Variants in MYO1F observed in about 807,000 individuals in gnomAD.
MYO1F encodes the protein myosin IF.
Under a neutral mutation model 146.6 loss-of-function variants are expected in MYO1F, and 60 were observed. The observed-to-expected ratio is 0.41, with a 90% CI of 0.33 to 0.51. The LOEUF is 0.51. MYO1F is among the 20% of genes least tolerant of loss of function. The pLI, the probability that MYO1F is intolerant of heterozygous loss-of-function variation, is 0.25. For synonymous variants in MYO1F, 602 were observed against 602.1 expected, an observed-to-expected ratio of 1.00 and a Z score of 0.00; for missense variants, 1,274 against 1,534.3, an observed-to-expected ratio of 0.83 and a Z score of 2.83.
rs188591207 is a variant in MYO1F at position 8,546,585 on chromosome 19, C to A, written c.1270-849G>T. ...ATGTTGTCCAGGCTGGCTTTGAACC[C>A]CCAGGCTCAAGCGATCCTCTTAACT... is the stretch of plus-strand genomic sequence containing the variant. On this transcript the variant is annotated intron_variant, in intron 12 of 27. Transcript: ENST00000644032. Among the ~76,000 whole-genome samples, 10 of 152,090 alleles carry A rather than the reference C, an allele frequency of 6.6e-5. No homozygotes were observed. In the East Asian group the frequency reaches 1.5e-3, roughly 23 times the overall value.
At chr19:8,553,894 A>ACACACACACTCTCTCTCTCT in intron 4 of MYO1F, among the ~76,000 whole-genome samples, 22 of 102,668 alleles carry the variant, frequency 2.1e-4, no homozygotes, top group African/African-American at 7.9e-4. Flanking sequence ...ACACACACAC[A>ACACACACACTCTCTCTCTCT]CTCTCTCTCT....
rs200726649 is a variant in MYO1F, at chr19:8,530,231, C to T, written c.2293G>A (p.Ala765Thr). The T allele has an allele frequency of 2.0e-5, 33 of 1,613,940 alleles. No homozygotes were observed. Among genetic ancestry groups the T allele is most frequent in the African/African-American group, 9.3e-5 (7 of 74,884 alleles). The change falls in exon 21 of 28, where the codon GCC becomes ACC. Residue 765 changes from alanine to threonine, a missense_variant. Physicochemically the swap from Ala to Thr is moderately conservative, Grantham distance 58. Coordinates refer to ENST00000644032, the MANE Select transcript of MYO1F (RefSeq NM_012335.4). This position sits in a 1 kb window ranked among gnomAD's most constrained non-coding sequence, Gnocchi z 5.8. ...FLGKRERVDF[A>T]DSVTKYDRRF... ...CGGTCGTACTTGGTGACCGAATCGG[C>T]GAAGTCCACCCGCTCCCTCTTGCCC... is the stretch of plus-strand genomic sequence containing the variant.
chr19:8,526,353 C>CTT, intron 24 of MYO1F, 100 bp downstream of exon 24: 1 of 1,452,378 alleles, frequency 6.9e-7, no homozygotes, highest in South Asian at 1.2e-5. Context: ...TCAAAAGTCT[C>CTT]TCTCTCTCTC....
At chr19:8,521,977 G>A (rs1274214893) in intron 27 of MYO1F, among the ~76,000 whole-genome samples, 3 of 151,812 alleles carry the variant, frequency 2.0e-5, no homozygotes, top group Admixed American at 6.6e-5. Context: ...CTCCCGTGGG[G>A]AGGGTGTGCA....
chr19:8,554,540 G>T lies in MYO1F; in HGVS notation c.263C>A (p.Ala88Asp). The T allele has an allele frequency of 2.5e-6, 4 of 1,613,668 alleles. No homozygotes were observed. Among genetic ancestry groups the T allele is most frequent in the South Asian group, 1.1e-5 (1 of 91,072 alleles). ...GTTCCGGTACATGTTGTCCGTGAGG[G>T]CGTAGATGTGCGGGGGATTCTCATA... Reference protein sequence around the residue: ...AQYENPPHIYALTDNMYRNML... With the variant: ...AQYENPPHIYDLTDNMYRNML... The change falls in exon 4 of 28, where the codon GCC becomes GAC. Residue 88 changes from alanine to aspartate, a missense_variant. Transcript: ENST00000644032.
At chr19:8,574,789 T>C (rs2042206044) in intron 1 of MYO1F, among the ~76,000 whole-genome samples, 1 of 149,456 alleles carries the variant, frequency 6.7e-6, no homozygotes, top group Non-Finnish European at 1.5e-5. Context: ...GGAGCCTCTC[T>C]CTGTGGCCCA....
intron 5 of MYO1F, 30 bp downstream of exon 5, chr19:8,553,320 C>A: frequency 1.9e-6 from 3 of 1,613,110 alleles, no homozygotes; most frequent in Non-Finnish European, 2.5e-6. Context: ...GAGGGCGACC[C>A]AGCTTATCCT....
Position 8,550,319 on chromosome 19 carries a change from G to C in MYO1F, c.942C>G (p.Ser314Arg), listed in dbSNP as rs187824097. ...TGGTCAGCTTCTCCTGCAGTCGCCC[G>C]CTGTCAATGCCCAGCAGGTAGGCGG... ...AFPAYLLGIDSGRLQEKLTSR... is the reference protein window; with the variant it reads ...AFPAYLLGIDRGRLQEKLTSR... Residue 314 changes from serine to arginine, a missense_variant, in exon 10 of 28, where the codon AGC (serine) becomes AGG (arginine). Ser to Arg is a moderately radical substitution (Grantham distance 110). Around this residue, in one of 2 missense-constraint regions of MYO1F, gnomAD observed 900 missense variants for 1,155.1 expected, o/e 0.78. Coordinates refer to ENST00000644032, the MANE Select transcript of MYO1F (RefSeq NM_012335.4). 1.2e-6 allele frequency: 2 copies of C among 1,613,568 alleles called. No homozygotes were observed. The highest frequency in any genetic ancestry group is 2.2e-5 in the South Asian group (2 of 91,006).
intron 12 of MYO1F, among the ~76,000 whole-genome samples, chr19:8,547,449 C>G (rs1471530250): frequency 6.6e-6 from 1 of 150,950 alleles, no homozygotes; most frequent in Non-Finnish European, 1.5e-5. Context: ...ACTAAAAATA[C>G]AAAAATTAGC....
intron 1 of MYO1F, among the ~76,000 whole-genome samples, chr19:8,575,465 C>A (rs1176036371): frequency 2.1e-5 from 3 of 146,036 alleles, no homozygotes; most frequent in African/African-American, 7.6e-5. Context: ...AATCTAATGG[C>A]GCCCCCGAGA....
intron 16 of MYO1F, among the ~76,000 whole-genome samples, chr19:8,538,003 C>T (rs949300435): frequency 2.0e-5 from 3 of 152,008 alleles, no homozygotes; most frequent in African/African-American, 7.2e-5. Flanking sequence ...GACAAAATCT[C>T]GCTCTGTTGC....
intron 12 of MYO1F, 100 bp downstream of exon 12, chr19:8,547,936 G>A: frequency 8.7e-7 from 1 of 1,152,534 alleles, no homozygotes; most frequent in Non-Finnish European, 1.3e-6. Flanking sequence ...GAACGCGGTG[G>A]GGAGGGCTGG....
At chr19:8,545,586 C>T in intron 13 of MYO1F, 64 bp downstream of exon 13, 3 of 1,372,194 alleles carry the variant, frequency 2.2e-6, no homozygotes, top group South Asian at 1.2e-5. Context: ...CCCTCCCCCT[C>T]ATCTTCCAGA....
intron 1 of MYO1F, among the ~76,000 whole-genome samples, chr19:8,568,439 A>AAAAAAC (rs1314465609): frequency 6.7e-5 from 10 of 148,222 alleles, no homozygotes; most frequent in African/African-American, 2.6e-4. Context: ...AAAAAAAAAA[A>AAAAAAC]AAAAAATTAA....
chr19:8,575,291 C>T lies in MYO1F; in HGVS notation c.3+2016G>A, dbSNP rs1411528901. Among the ~76,000 whole-genome samples, 10 of 151,096 alleles carry T rather than the reference C, an allele frequency of 6.6e-5. No homozygotes were observed. In the East Asian group the frequency reaches 9.8e-4, roughly 15 times the overall value. On this transcript the variant is annotated intron_variant, in intron 1 of 27. Coordinates refer to ENST00000644032, the MANE Select transcript of MYO1F (RefSeq NM_012335.4). The stretch of plus-strand genomic sequence containing the variant: ...GGGGTCTCACCACGTTGGCCAGGAT[C>T]GTTTCTATCTCTTGACTTCGTGATC...
chr19:8,575,607 C>T (rs1384616670), intron 1 of MYO1F, among the ~76,000 whole-genome samples: 1 of 152,016 alleles, frequency 6.6e-6, no homozygotes, highest in Non-Finnish European at 1.5e-5. Context: ...GGTTGGGGAC[C>T]CTGTTGTAAA....
intron 25 of MYO1F, among the ~76,000 whole-genome samples, chr19:8,524,202 C>A (rs761935761): frequency 6.6e-6 from 1 of 150,696 alleles, no homozygotes; most frequent in African/African-American, 2.4e-5. Context: ...GGGTGGATCA[C>A]GAGGTCAGGA....
chr19:8,566,112 C>G (rs2041997438), intron 1 of MYO1F, among the ~76,000 whole-genome samples: 1 of 150,430 alleles, frequency 6.6e-6, no homozygotes, highest in Middle Eastern at 3.4e-3. Flanking sequence ...GAAAAAAAAC[C>G]CAAACACCAA....
intron 1 of MYO1F, among the ~76,000 whole-genome samples, chr19:8,563,876 G>T (rs552252661): frequency 7.9e-5 from 12 of 151,994 alleles, no homozygotes; most frequent in Admixed American, 5.9e-4. Flanking sequence ...TGATCCACCC[G>T]CCTTGGCTTC....
Sources: allele counts gnomAD v4.1 joint callset (sites outside exome capture counted in the v4.1 genomes callset), GRCh38; gene constraint gnomAD v4.1.1; regional missense constraint gnomAD v4.1.1; non-coding constraint Gnocchi (gnomAD v3.1); transcripts MANE v1.5; gene names NCBI Gene and HGNC (gene_info 2026-07-23, HGNC 2026-07-21).